Variants in FGF14 observed in about 807,000 individuals in gnomAD.
The protein encoded by FGF14 is fibroblast growth factor 14.
Under a neutral mutation model 25.5 loss-of-function variants are expected in FGF14, and 5 were observed. The ratio of observed to expected loss-of-function variants is 0.20; its 90% confidence interval spans 0.10 to 0.41. The LOEUF is 0.41. Ranked by LOEUF, FGF14 falls within the 10% of genes least tolerant of loss-of-function variation. The pLI is 1.00. For missense variants in FGF14, 222 were observed against 320.1 expected (o/e 0.69, Z 2.34); for synonymous variants, 138 against 118.3 (o/e 1.17, Z -1.08).
rs375263795 is a variant in FGF14 at position 102,120,325 on chromosome 13, A to G, written c.209-245029T>C. Among the ~76,000 whole-genome samples, 36 of 152,336 alleles carry G rather than the reference A, an allele frequency of 2.4e-4. No homozygotes were observed. In the East Asian group the frequency reaches 6.6e-3, roughly 28 times the overall value. ...AAAAGCAAAGAAAGTGGAAAGCTAT[A>G]CTGATGAGAGTCCCAAAAGTACCGC... On this transcript the variant is annotated intron_variant, in intron 1 of 4. Coordinates refer to the FGF14 transcript ENST00000376131.
chr13:102,037,616 T>C (rs1472859812), intron 1 of FGF14, among the ~76,000 whole-genome samples: 2 of 152,212 alleles, frequency 1.3e-5, no homozygotes, highest in African/African-American at 4.8e-5. Flanking sequence ...GGACCACAAC[T>C]ACTAACACTA....
intron 2 of FGF14, among the ~76,000 whole-genome samples, chr13:101,874,438 G>T (rs1448039247): frequency 1.3e-5 from 2 of 152,156 alleles, no homozygotes; most frequent in East Asian, 3.9e-4. Context: ...TAAAAAGTGT[G>T]CTTATTTTGG....
intron 1 of FGF14, among the ~76,000 whole-genome samples, chr13:101,996,188 A>T (rs2039174366): frequency 6.6e-6 from 1 of 152,204 alleles, no homozygotes; most frequent in African/African-American, 2.4e-5. Flanking sequence ...TATTAAAACA[A>T]GAAAGGGAAA....
chr13:102,112,040 A>G (rs1465139921), intron 1 of FGF14, among the ~76,000 whole-genome samples: 1 of 152,254 alleles, frequency 6.6e-6, no homozygotes, highest in African/African-American at 2.4e-5. Context: ...AAAGTCTAAC[A>G]TACTTTAAAC....
At chr13:102,212,730 ACT>A in intron 1 of FGF14, among the ~76,000 whole-genome samples, 1 of 152,062 alleles carries the variant, frequency 6.6e-6, no homozygotes, top group Admixed American at 6.6e-5. Flanking sequence ...AGGGCAAATA[ACT>A]CTCTACCTCT....
intron 1 of FGF14, among the ~76,000 whole-genome samples, chr13:102,167,312 C>CAA (rs10689114): frequency 0.19 from 13,564 of 71,224 alleles, 1,161 homozygotes; most frequent in East Asian, 0.27. Flanking sequence ...CACTCCATCT[C>CAA]AAAAAAAAAA....
At chr13:102,329,318 G>A (rs1349289440) in intron 1 of FGF14, among the ~76,000 whole-genome samples, 2 of 152,104 alleles carry the variant, frequency 1.3e-5, no homozygotes, top group Non-Finnish European at 2.9e-5. Flanking sequence ...GTGAGTGAAG[G>A]CTGCTTTTTT....
At chr13:101,843,485 C>G (rs2043294457) in intron 3 of FGF14, among the ~76,000 whole-genome samples, 1 of 151,934 alleles carries the variant, frequency 6.6e-6, no homozygotes, top group African/African-American at 2.4e-5. Flanking sequence ...ACCATTTATT[C>G]GTAAGTATTT....
chr13:102,087,407 C>CTTTT (rs71125043), intron 1 of FGF14, among the ~76,000 whole-genome samples: 1,811 of 84,288 alleles, frequency 0.021, 264 homozygotes, highest in African/African-American at 0.075. Context: ...ACTGTAATTT[C>CTTTT]TTTTTTTTTT....
chr13:101,778,203 A>G (rs1405734380), intron 3 of FGF14, among the ~76,000 whole-genome samples: 1 of 152,154 alleles, frequency 6.6e-6, no homozygotes, highest in Non-Finnish European at 1.5e-5. Context: ...TGCCTATACT[A>G]GCTTAGTGCT....
At chr13:102,281,514 A>G (rs551788582) in intron 1 of FGF14, among the ~76,000 whole-genome samples, 25 of 151,958 alleles carry the variant, frequency 1.6e-4, no homozygotes, top group African/African-American at 6.0e-4. Context: ...ACCTGACTCT[A>G]CTCCACCATG....
chr13:101,859,490 G>A (rs1336559985), intron 3 of FGF14, among the ~76,000 whole-genome samples: 1 of 152,150 alleles, frequency 6.6e-6, no homozygotes, highest in East Asian at 1.9e-4. Flanking sequence ...GACAATGGAA[G>A]GAGTACAATA....
chr13:102,052,644 GA>G (rs111895910), intron 1 of FGF14, among the ~76,000 whole-genome samples: 5,048 of 147,508 alleles, frequency 0.034, 269 homozygotes, highest in African/African-American at 0.12. Flanking sequence ...AAGTGGTGAA[GA>G]AAAAAAAAAC....
At position 101,717,850 on chromosome 13, in the gene FGF14, A is replaced by G. The variant is rs2034784928; in HGVS notation, c.*4981T>C. 6.6e-6 allele frequency: 1 copy of G among 152,124 alleles called. No individual in the cohort carries two copies. Among genetic ancestry groups the G allele is most frequent in the Non-Finnish European group, 1.5e-5 (1 of 68,024 alleles). The allele number at this position is 152,124 out of a possible 1,614,324, so 9.4% of individuals were successfully genotyped here. ...TATAGCTCATCACAAAACCTCAGGT[A>G]TGTCTTATTTTTCTTATAATCCTCT... On this transcript the variant is annotated 3_prime_UTR_variant, in exon 5 of 5. Coordinates refer to ENST00000376143, the MANE Select transcript of FGF14 (RefSeq NM_004115.4).
chr13:102,132,620 A>C (rs1285190963), intron 1 of FGF14, among the ~76,000 whole-genome samples: 1 of 151,378 alleles, frequency 6.6e-6, no homozygotes, highest in African/African-American at 2.4e-5. Context: ...TGCCACAGGT[A>C]ATTCTTCTGC....
intron 1 of FGF14, among the ~76,000 whole-genome samples, chr13:101,933,911 T>C (rs1182427622): frequency 1.3e-5 from 2 of 152,236 alleles, no homozygotes; most frequent in Admixed American, 1.3e-4. Flanking sequence ...GTATGTTTTA[T>C]ATATGTATAC....
At chr13:102,078,969 C>T (rs2043492558) in intron 1 of FGF14, among the ~76,000 whole-genome samples, 1 of 152,152 alleles carries the variant, frequency 6.6e-6, no homozygotes, top group Non-Finnish European at 1.5e-5. Flanking sequence ...GCTGTGAGAA[C>T]AGTGGAGGAT....
intron 3 of FGF14, among the ~76,000 whole-genome samples, chr13:101,854,446 G>A (rs747470791): frequency 8.5e-5 from 13 of 152,078 alleles, no homozygotes; most frequent in Non-Finnish European, 1.3e-4. Context: ...CAGGCTTACT[G>A]CAGAGCTGTT....
At chr13:102,386,700 G>A (rs1247003295) in intron 1 of FGF14, among the ~76,000 whole-genome samples, 1 of 152,206 alleles carries the variant, frequency 6.6e-6, no homozygotes, top group Non-Finnish European at 1.5e-5. Flanking sequence ...TGGCACCAGA[G>A]AGGCTGGGTA....
Sources: gnomAD v4.1 joint callset for allele counts (sites outside exome capture counted in the v4.1 genomes callset) on GRCh38, gnomAD v4.1.1 for gene constraint, MANE v1.5 for transcripts, NCBI Gene and HGNC (gene_info 2026-07-23, HGNC 2026-07-21) for gene names.